INIP: variants seen among roughly 807,000 people sequenced by gnomAD.
INIP encodes SOSS complex subunit C.
INIP carries 9 observed loss-of-function variants against 14.0 expected under a neutral mutation model. That is an observed-to-expected ratio of 0.64 (90% confidence interval 0.39 to 1.12). The LOEUF (loss-of-function observed/expected upper bound fraction) is 1.12, where lower values mean the gene tolerates loss of function less well. Ranked by LOEUF, INIP falls within the 50% of genes most tolerant of loss-of-function variation. INIP has a pLI of 0.01. For synonymous variants in INIP, 37 were observed against 41.5 expected, an observed-to-expected ratio of 0.89 and a Z score of 0.41; for missense variants, 78 against 122.7, an observed-to-expected ratio of 0.64 and a Z score of 1.72.
rs547578276 is a variant in INIP, at chr9:112,686,226, T to C, written c.*1312A>G. Reference sequence around the variant, plus strand: ...AGTTAAAAAAAATGTAGATTTTAGCTAAATGACCTCTAAGTTTCAGGGATC... The same window carrying C: ...AGTTAAAAAAAATGTAGATTTTAGCCAAATGACCTCTAAGTTTCAGGGATC... On this transcript the variant is annotated 3_prime_UTR_variant, in exon 5 of 5. Coordinates refer to ENST00000374242, the MANE Select transcript of INIP (RefSeq NM_021218.3). The C allele has an allele frequency of 2.6e-5, 4 of 152,332 alleles. No homozygotes were observed. The highest frequency in any genetic ancestry group is 3.4e-3 in the Middle Eastern group (1 of 294). 9.4% of individuals were successfully genotyped at this position (152,332 alleles called of 1,614,324 possible). A position where few individuals can be genotyped will look rare whatever the true frequency, so the allele number is the denominator to read the frequency against.
intron 2 of INIP, among the ~76,000 whole-genome samples, chr9:112,702,727 G>A (rs1838339048): frequency 6.6e-6 from 1 of 152,104 alleles, no homozygotes; most frequent in African/African-American, 2.4e-5. Context: ...ACCACACCTG[G>A]CTAATTTTTG....
chr9:112,710,637 G>A (rs1004590008), intron 2 of INIP, among the ~76,000 whole-genome samples: 2 of 152,070 alleles, frequency 1.3e-5, no homozygotes, highest in Admixed American at 6.6e-5. Context: ...TTACTATGAC[G>A]GCATGAAAGA....
At position 112,687,418 on chromosome 9, in the gene INIP, G is replaced by T; in HGVS notation, c.*120C>A. The T allele has an allele frequency of 1.6e-6, 1 of 629,446 alleles. No homozygotes were observed. The highest frequency in any genetic ancestry group is 2.9e-6 in the Non-Finnish European group (1 of 348,500). The allele number at this position is 629,446 out of a possible 1,614,324, so 39.0% of individuals were successfully genotyped here. ...TTCACTTACACATTCCTTTCTTTCA[G>T]ACAAACAAAAAATATCAAAGTTCAC... On this transcript the variant is annotated 3_prime_UTR_variant, in exon 5 of 5. Coordinates refer to ENST00000374242, the MANE Select transcript of INIP (RefSeq NM_021218.3).
intron 2 of INIP, among the ~76,000 whole-genome samples, chr9:112,695,832 G>GAGAAGAAGGAGA (rs535004205): frequency 1.4e-4 from 14 of 102,532 alleles, no homozygotes; most frequent in East Asian, 3.4e-4. Flanking sequence ...GAAGAAGAAG[G>GAGAAGAAGGAGA]AGAAGAAGGA....
intron 2 of INIP, 77 bp from the exon 3 acceptor site, chr9:112,694,310 C>T (rs573949931): frequency 3.6e-5 from 30 of 828,036 alleles, no homozygotes; most frequent in Middle Eastern, 2.6e-4. Context: ...TTTTTATAAC[C>T]TAAGTCATCT....
rs142983403 is a variant in INIP, at chr9:112,685,080, A to G, written c.*2458T>C. 3 of 152,318 alleles carry G rather than the reference A, an allele frequency of 2.0e-5. No homozygotes were observed. The East Asian group carries it at 5.8e-4, about 29-fold the overall frequency. 9.4% of individuals were successfully genotyped at this position (152,318 alleles called of 1,614,324 possible). Reference sequence around the variant, plus strand: ...GATGCCTCTCTCAGGCCACTACTGCATTCTGGCTCGCTTGATTGATTGATT... The same window carrying G: ...GATGCCTCTCTCAGGCCACTACTGCGTTCTGGCTCGCTTGATTGATTGATT... On this transcript the variant is annotated 3_prime_UTR_variant, in exon 5 of 5. Transcript: ENST00000374242.
intron 2 of INIP, among the ~76,000 whole-genome samples, chr9:112,714,569 C>T (rs1317494848): frequency 6.6e-6 from 1 of 152,096 alleles, no homozygotes; most frequent in Non-Finnish European, 1.5e-5. Context: ...AAGATAAAGG[C>T]ACAGATAATG....
chr9:112,702,566 T>A (rs1480727679), intron 2 of INIP, among the ~76,000 whole-genome samples: 1 of 152,112 alleles, frequency 6.6e-6, no homozygotes. Context: ...AATTTTTTTA[T>A]TATTTATTTA....
At chr9:112,695,811 AAGAAGAAGGAGAAGAAGAAGG>A (rs1275335850) in intron 2 of INIP, among the ~76,000 whole-genome samples, 4 of 95,808 alleles carry the variant, frequency 4.2e-5, no homozygotes, top group Non-Finnish European at 8.1e-5. Flanking sequence ...GGAGGAGGAG[AAGAAGAAGGAGAAGAAGAAGG>A]AGAAGAAGGA....
At chr9:112,700,841 G>A (rs2131299089) in intron 2 of INIP, among the ~76,000 whole-genome samples, 2 of 151,948 alleles carry the variant, frequency 1.3e-5, no homozygotes, top group East Asian at 3.9e-4. Context: ...TGTAACTATA[G>A]GCTCCAAACT....
chr9:112,709,357 T>C (rs1200434315), intron 2 of INIP, among the ~76,000 whole-genome samples: 4 of 151,920 alleles, frequency 2.6e-5, no homozygotes, highest in Non-Finnish European at 5.9e-5. Context: ...ATGTTGTAAT[T>C]CCCCCTACTG....
chr9:112,709,335 T>C (rs559114188), intron 2 of INIP, among the ~76,000 whole-genome samples: 15 of 152,210 alleles, frequency 9.9e-5, no homozygotes, highest in Non-Finnish European at 1.8e-4. Flanking sequence ...TCCTATCAGA[T>C]CTATCATCAG....
At chr9:112,700,002 C>A (rs1838236996) in intron 2 of INIP, among the ~76,000 whole-genome samples, 1 of 152,136 alleles carries the variant, frequency 6.6e-6, no homozygotes, top group Non-Finnish European at 1.5e-5. Context: ...TGTGTCCTTA[C>A]ATCTTGTAGT....
At chr9:112,688,869 A>G (rs967899580) in intron 4 of INIP, among the ~76,000 whole-genome samples, 1 of 152,112 alleles carries the variant, frequency 6.6e-6, no homozygotes, top group Admixed American at 6.6e-5. Flanking sequence ...ATAAAATAAA[A>G]TAAAGTGAGA....
chr9:112,698,059 C>T (rs989514652), intron 2 of INIP, among the ~76,000 whole-genome samples: 2 of 151,822 alleles, frequency 1.3e-5, no homozygotes, highest in African/African-American at 2.4e-5. Flanking sequence ...AATCCCAGCA[C>T]TTTGGGAGGC....
chr9:112,708,122 A>G (rs1838536766), intron 2 of INIP, among the ~76,000 whole-genome samples: 1 of 152,224 alleles, frequency 6.6e-6, no homozygotes, highest in Non-Finnish European at 1.5e-5. Context: ...AAAATCTAAC[A>G]TGAGTAGTCT....
At chr9:112,708,217 C>A (rs76378582) in intron 2 of INIP, among the ~76,000 whole-genome samples, 2 of 152,088 alleles carry the variant, frequency 1.3e-5, no homozygotes, top group African/African-American at 4.8e-5. Flanking sequence ...AGCGTGAAAG[C>A]GGGGGGAGCA....
In INIP at chr9:112,689,593, A is replaced by C. The variant is rs1028830281; in HGVS notation, c.153T>G (p.Leu51=). Residue 51 remains leucine (L), a synonymous_variant, in exon 4 of 5, where the codon CTT becomes CTG. Coordinates refer to ENST00000374242, the MANE Select transcript of INIP (RefSeq NM_021218.3). ...CAGCGTGATCCCGGAAGTCCTTATT[A>C]AGAGAGGGTCTCGAGAGTGCAATGC... ...GASIALSRPS[L]NKDFRDHAEQ... 3 of 1,614,140 alleles carry C rather than the reference A, an allele frequency of 1.9e-6. No individual in the cohort carries two copies. The highest frequency in any genetic ancestry group is 8.5e-7 in the Non-Finnish European group (1 of 1,179,998).
At chr9:112,698,664 C>T (rs1182068442) in intron 2 of INIP, among the ~76,000 whole-genome samples, 2 of 152,286 alleles carry the variant, frequency 1.3e-5, no homozygotes, top group East Asian at 3.9e-4. Flanking sequence ...GTACCCCAAC[C>T]CTGACCCCAC....
Sources: gnomAD v4.1 joint callset for allele counts (sites outside exome capture counted in the v4.1 genomes callset) on GRCh38, gnomAD v4.1.1 for gene constraint, MANE v1.5 for transcripts, NCBI Gene and HGNC (gene_info 2026-07-23, HGNC 2026-07-21) for gene names.